ZMYM6: variants seen among roughly 807,000 people sequenced by gnomAD.
ZMYM6 encodes the protein zinc finger MYM-type protein 6.
Under a neutral mutation model 134.0 loss-of-function variants are expected in ZMYM6, and 90 were observed. That is an observed-to-expected ratio of 0.67 (90% confidence interval 0.57 to 0.80). The LOEUF (loss-of-function observed/expected upper bound fraction) is 0.80, where lower values mean the gene tolerates loss of function less well. Among genes scored for constraint, ZMYM6 ranks in the 30% least tolerant of loss-of-function variants. The probability of loss-of-function intolerance (pLI) is 0.00; values close to 1 mark genes in which losing one functional copy is unlikely to be tolerated. For synonymous variants in ZMYM6, 481 were observed against 524.1 expected (o/e 0.92, Z 1.12); for missense variants, 1,362 against 1,533.9 (o/e 0.89, Z 1.87).
chr1:35,027,612 T>C (rs1207277417), intron 2 of ZMYM6, among the ~76,000 whole-genome samples: 2 of 151,722 alleles, frequency 1.3e-5, no homozygotes, highest in Non-Finnish European at 2.9e-5. Context: ...TGGTGGAGCA[T>C]GTTTGTGGTC....
Position 35,015,066 on chromosome 1 carries a change from C to T in ZMYM6, c.525G>A (p.Glu175=), listed in dbSNP as rs1299780554. 1 of 1,613,800 alleles carries T rather than the reference C, an allele frequency of 6.2e-7. No individual in the cohort carries two copies. The highest frequency in any genetic ancestry group is 1.3e-5 in the African/African-American group (1 of 74,906). The change falls in exon 5 of 16, where the codon GAG becomes GAA. Residue 175 remains glutamate, a synonymous_variant. Transcript: ENST00000357182. The part of the protein sequence containing the change: ...FCSQSCLSSY[E]LKKKPVVTIY... Reference sequence around the variant, plus strand: ...TGGTAACAACAGGTTTTTTCTTTAGCTCATAAGATGACAAGCATGATTGGC... The same window carrying T: ...TGGTAACAACAGGTTTTTTCTTTAGTTCATAAGATGACAAGCATGATTGGC...
chr1:34,990,343 C>A, intron 15 of ZMYM6: 1 of 238,636 alleles, frequency 4.2e-6, no homozygotes, highest in Admixed American at 3.4e-5. Flanking sequence ...ATTAGCTGGG[C>A]ATGGTGGCAG....
rs1386784464 is a variant in ZMYM6 at position 34,988,309 on chromosome 1, A to C, written c.2773T>G (p.Leu925Val). Reference protein sequence around the residue: ...SSEISNITLLLCYIRFIDYDC... With the variant: ...SSEISNITLLVCYIRFIDYDC... Reference sequence around the variant, plus strand: ...TAATCAATGAAACGAATATAGCACAAAAGAAGTGTGATATTTGAGATTTCT... The same window carrying C: ...TAATCAATGAAACGAATATAGCACACAAGAAGTGTGATATTTGAGATTTCT... The change falls in exon 16 of 16, where the codon TTG becomes GTG. Residue 925 changes from leucine to valine, a missense_variant. By Grantham distance (32) the Leu-to-Val change is conservative (BLOSUM62 1). Coordinates refer to ENST00000357182, the MANE Select transcript of ZMYM6 (RefSeq NM_007167.4). The C allele has an allele frequency of 7.7e-6, 12 of 1,551,028 alleles. No individual in the cohort carries two copies. Among genetic ancestry groups the C allele is most frequent in the Admixed American group, 3.9e-5 (2 of 50,956 alleles).
chr1:35,014,764 T>C lies in ZMYM6; in HGVS notation c.728A>G (p.Tyr243Cys), dbSNP rs1243490539. The C allele has an allele frequency of 5.6e-6, 9 of 1,614,162 alleles. No individual in the cohort carries two copies. The highest frequency in any genetic ancestry group is 1.3e-5 in the African/African-American group (1 of 75,030). Reference protein sequence around the residue: ...NCCENCGSYCYSSSGPCQSQK... With the variant: ...NCCENCGSYCCSSSGPCQSQK... ...GGATTGGCAAGGACCAGAGCTACTA[T>C]AGCAATAGCTCCCACAGTTCTCACA... The change falls in exon 6 of 16, where the codon TAT becomes TGT. Residue 243 changes from tyrosine (Y) to cysteine (C), a missense_variant. By Grantham distance (194) the Tyr-to-Cys change is radical. Around this residue, in one of 3 missense-constraint regions of ZMYM6, gnomAD observed 503 missense variants for 520.8 expected, o/e 0.97. Transcript: ENST00000357182.
rs144927219 is a variant in ZMYM6 at position 35,013,131 on chromosome 1, C to T, written c.796-550G>A. Reference sequence around the variant, plus strand: ...TAAAAATAGCTACCATTTACATAACCAATATTATAACTTACTGAATGCTTA... The same window carrying T: ...TAAAAATAGCTACCATTTACATAACTAATATTATAACTTACTGAATGCTTA... On this transcript the variant is annotated intron_variant, in intron 6 of 15. Coordinates refer to ENST00000357182, the MANE Select transcript of ZMYM6 (RefSeq NM_007167.4). 5.4e-4 allele frequency: 465 copies of T among 854,606 alleles called. 4 individuals are homozygous for T. In the African/African-American group the frequency reaches 7.6e-3, roughly 14 times the overall value. The allele number at this position is 854,606 out of a possible 1,614,324, so 52.9% of individuals were successfully genotyped here.
In ZMYM6 at chr1:35,005,283, TAA is replaced by T. The variant is rs1329594686; in HGVS notation, c.1814-13_1814-12del. 1.2e-6 allele frequency: 2 copies of T among 1,612,724 alleles called. No individual in the cohort carries two copies. Among genetic ancestry groups the T allele is most frequent in the African/African-American group, 1.3e-5 (1 of 74,832 alleles). On this transcript the variant is annotated splice_polypyrimidine_tract_variant and intron_variant, in intron 12 of 15. Coordinates refer to ENST00000357182, the MANE Select transcript of ZMYM6 (RefSeq NM_007167.4). The stretch of plus-strand genomic sequence containing the variant: ...CTTTAGAAATATTTACTGATTAAAA[TAA>T]AAAGTTAAGATCTGGAATAAGCAAA...
At chr1:35,010,355 A>T in intron 10 of ZMYM6, 92 bp downstream of exon 10, 1 of 1,480,470 alleles carries the variant, frequency 6.8e-7, no homozygotes, top group Non-Finnish European at 9.1e-7. Flanking sequence ...TGTAAGACAA[A>T]AAGAATGTGA....
chr1:35,023,327 G>A (rs779355991), intron 2 of ZMYM6, among the ~76,000 whole-genome samples: 7 of 152,028 alleles, frequency 4.6e-5, no homozygotes, highest in Admixed American at 2.0e-4. Context: ...GGCTGGTCTC[G>A]AACTCCTGAC....
intron 12 of ZMYM6, among the ~76,000 whole-genome samples, chr1:35,005,568 G>A (rs1465715609): frequency 1.3e-5 from 2 of 151,054 alleles, no homozygotes; most frequent in Admixed American, 6.6e-5. Flanking sequence ...GGCTGAAACA[G>A]GGGGATCACT....
rs1189470949 is a variant in ZMYM6 at position 35,012,205 on chromosome 1, G to GT, written c.947-201dup. ...AAAAACTAACTTGGAAATTTTAAGTGTTTTTTCTTTCCTCTCACATATGAA... is the reference window on the plus strand; with the variant it reads ...AAAAACTAACTTGGAAATTTTAAGTGTTTTTTTCTTTCCTCTCACATATGAA... On this transcript the variant is annotated intron_variant, in intron 7 of 15. Coordinates refer to ENST00000357182, the MANE Select transcript of ZMYM6 (RefSeq NM_007167.4). Among the ~76,000 whole-genome samples the GT allele has an allele frequency of 4.6e-5, 7 of 152,202 alleles. No homozygotes were observed. The East Asian group carries it at 7.7e-4, about 17-fold the overall frequency.
intron 2 of ZMYM6, among the ~76,000 whole-genome samples, chr1:35,021,380 G>A (rs1408426037): frequency 6.6e-6 from 1 of 151,840 alleles, no homozygotes; most frequent in Non-Finnish European, 1.5e-5. Context: ...CCTGACCTCA[G>A]GTGATCCGCC....
In ZMYM6 at chr1:34,992,421, AT is replaced by A. The variant is rs752731835; in HGVS notation, c.1993-35del. The A allele has an allele frequency of 1.2e-5, 19 of 1,601,862 alleles. No homozygotes were observed. In the African/African-American group the frequency reaches 1.6e-4, roughly 14 times the overall value. On this transcript the variant is annotated intron_variant, in intron 14 of 15. Coordinates refer to ENST00000357182, the MANE Select transcript of ZMYM6 (RefSeq NM_007167.4). Reference sequence around the variant, plus strand: ...AAGCAAATTCAGAAACCAAAGAAAGATTTTTTTTAGTACCTTATCACTGACT... The same window carrying A: ...AAGCAAATTCAGAAACCAAAGAAAGATTTTTTTAGTACCTTATCACTGACT...
intron 14 of ZMYM6, among the ~76,000 whole-genome samples, chr1:34,999,126 C>T (rs942654336): frequency 6.6e-6 from 1 of 152,084 alleles, no homozygotes; most frequent in African/African-American, 2.4e-5. Context: ...AATAAAACCA[C>T]AGGACTGCAT....
Position 34,987,718 on chromosome 1 carries a change from G to C in ZMYM6, c.3364C>G (p.Leu1122Val), listed in dbSNP as rs1287323438. 2 of 1,550,938 alleles carry C rather than the reference G, an allele frequency of 1.3e-6. No individual in the cohort carries two copies. Among genetic ancestry groups the C allele is most frequent in the African/African-American group, 2.7e-5 (2 of 73,018 alleles). Residue 1122 changes from leucine to valine, a missense_variant, in exon 16 of 16, where the codon CTT (leucine) becomes GTT (valine). Physicochemically the swap from Leu to Val is conservative, Grantham distance 32 (BLOSUM62 1). This residue lies in a region of ZMYM6 where 824 missense variants were observed against 940.9 expected (regional missense o/e 0.88). Transcript: ENST00000357182. Reference sequence around the variant, plus strand: ...AGACTTAAATTTAATTCATTTATAAGTGAAAATATATCTGATAAGTAGGCC... The same window carrying C: ...AGACTTAAATTTAATTCATTTATAACTGAAAATATATCTGATAAGTAGGCC... ...KLAYLSDIFS[L>V]INELNLSLQG...
At chr1:34,993,593 T>G (rs895902499) in intron 14 of ZMYM6, among the ~76,000 whole-genome samples, 3 of 152,200 alleles carry the variant, frequency 2.0e-5, no homozygotes, top group Non-Finnish European at 2.9e-5. Flanking sequence ...TGCCATGTAA[T>G]GTAACATATT....
In ZMYM6 at chr1:34,988,930, G is replaced by A; in HGVS notation, c.2152C>T (p.Pro718Ser). ...GCATCATTTTTTTCATTAGGCATAG[G>A]TAAATCTGAATGAAATATTTGAATC... ...TQHKECQTDLPMPNEKNDAEL... is the reference protein window; with the variant it reads ...TQHKECQTDLSMPNEKNDAEL... The change falls in exon 16 of 16, where the codon CCT (proline) becomes TCT (serine). Residue 718 changes from proline (P) to serine (S), a missense_variant. Physicochemically the swap from Pro to Ser is moderately conservative, Grantham distance 74. This residue lies in a region of ZMYM6 where 824 missense variants were observed against 940.9 expected (regional missense o/e 0.88). Transcript: ENST00000357182. 1.2e-6 allele frequency: 2 copies of A among 1,606,054 alleles called. No homozygotes were observed. Among genetic ancestry groups the A allele is most frequent in the Non-Finnish European group, 1.7e-6 (2 of 1,178,256 alleles).
At chr1:34,989,063 A>C in intron 15 of ZMYM6, 128 bp from the exon 16 acceptor site, 1 of 1,472,396 alleles carries the variant, frequency 6.8e-7, no homozygotes, top group African/African-American at 1.4e-5. Flanking sequence ...GCACTGGTAA[A>C]AGTTTAAGCA....
chr1:35,012,593 A>C lies in ZMYM6; in HGVS notation c.796-12T>G. On this transcript the variant is annotated splice_polypyrimidine_tract_variant and intron_variant, in intron 6 of 15. Transcript: ENST00000357182. Reference sequence around the variant, plus strand: ...ATTTGGGCAGAATTCTATTAAAATAAAATAACATTAGATACCTAGTACAAA... The same window carrying C: ...ATTTGGGCAGAATTCTATTAAAATACAATAACATTAGATACCTAGTACAAA... 3 of 1,612,680 alleles carry C rather than the reference A, an allele frequency of 1.9e-6. No homozygotes were observed. Among genetic ancestry groups the C allele is most frequent in the Non-Finnish European group, 2.5e-6 (3 of 1,179,396 alleles).
rs768693271 is a variant in ZMYM6 at position 35,010,936 on chromosome 1, A to T, written c.1163T>A (p.Ile388Lys). The T allele has an allele frequency of 6.2e-7, 1 of 1,612,614 alleles. No individual in the cohort carries two copies. The highest frequency in any genetic ancestry group is 1.3e-5 in the African/African-American group (1 of 74,854). Residue 388 changes from isoleucine to lysine, a missense_variant, in exon 9 of 16, where the codon ATA becomes AAA. Transcript: ENST00000357182. ...SPPSSRSAVS[I>K]GGGNTSAVSP... ...AACGGCAGAGGTGTTACCTCCTCCT[A>T]TTGACACTGCTGACCTGGAGGAGGG...
Sources: allele counts gnomAD v4.1 joint callset (sites outside exome capture counted in the v4.1 genomes callset), GRCh38; gene constraint gnomAD v4.1.1; regional missense constraint gnomAD v4.1.1; transcripts MANE v1.5; gene names NCBI Gene and HGNC (gene_info 2026-07-23, HGNC 2026-07-21).